Variants in CDC42BPG observed in about 807,000 individuals in gnomAD.
CDC42BPG encodes the protein serine/threonine-protein kinase MRCK gamma.
In CDC42BPG, 157 loss-of-function variants were observed where a neutral mutation model predicts 192.2. The ratio of observed to expected loss-of-function variants is 0.82; its 90% CI spans 0.72 to 0.93. CDC42BPG has a LOEUF of 0.93. Ranked by LOEUF, CDC42BPG falls within the 40% of genes least tolerant of loss-of-function variation. The probability of loss-of-function intolerance (pLI) is 0.00; values close to 1 mark genes in which losing one functional copy is unlikely to be tolerated. For synonymous variants in CDC42BPG, 981 were observed against 918.5 expected, an observed-to-expected ratio of 1.07 and a Z score of -1.23; for missense variants, 1,992 against 2,122.1, an observed-to-expected ratio of 0.94 and a Z score of 1.20.
intron 11 of CDC42BPG, 34 bp downstream of exon 11, chr11:64,836,705 C>CCGGAGGGGG: frequency 2.8e-6 from 1 of 352,544 alleles, no homozygotes; most frequent in South Asian, 3.3e-5. Context: ...GGACTCAGCC[C>CCGGAGGGGG]TGGGGGGGGG....
chr11:64,834,177 C>T (rs1942853596), intron 20 of CDC42BPG, 89 bp downstream of exon 20: 1 of 1,431,350 alleles, frequency 7.0e-7, no homozygotes. Flanking sequence ...CTGTCTCCAC[C>T]ACCCTGCCAG....
Position 64,832,632 on chromosome 11 carries a change from C to T in CDC42BPG, c.2977G>A (p.Gly993Arg), listed in dbSNP as rs2136289038. The T allele has an allele frequency of 6.2e-7, 1 of 1,613,886 alleles. No individual in the cohort carries two copies. Among genetic ancestry groups the T allele is most frequent in the Non-Finnish European group, 8.5e-7 (1 of 1,180,010 alleles). ...APDLRLSPPSGALLQVLDLRD... is the reference protein window; with the variant it reads ...APDLRLSPPSRALLQVLDLRD... ...AGATCTAGGACCTGCAGGAGGGCCC[C>T]ACTGGGCGGGCTGAGCCTCAGGTCA... The change falls in exon 26 of 37, where the codon GGG becomes AGG. Residue 993 changes from glycine to arginine, a missense_variant. Transcript: ENST00000342711.
intron 28 of CDC42BPG, chr11:64,830,511 G>A (rs961863812): frequency 5.2e-6 from 3 of 576,798 alleles, no homozygotes; most frequent in African/African-American, 3.7e-5. Context: ...GTTTCCTTAT[G>A]TAAACTGGGG....
chr11:64,834,110 C>G, intron 20 of CDC42BPG, 133 bp from the exon 21 acceptor site: 2 of 1,428,962 alleles, frequency 1.4e-6, no homozygotes, highest in South Asian at 2.3e-5. Flanking sequence ...ACAGCAGGCA[C>G]TCCAGAAGTG....
intron 3 of CDC42BPG, 21 bp downstream of exon 3, chr11:64,841,628 GC>G: frequency 1.4e-5 from 22 of 1,606,736 alleles, no homozygotes; most frequent in Non-Finnish European, 1.9e-5. Context: ...GTGCCCAAGG[GC>G]CCCCCAGACT....
chr11:64,838,666 G>T lies in CDC42BPG; in HGVS notation c.1113C>A (p.Thr371=). ...DTSNFDVDDD[T]LNHPGTLPPP... is the part of the protein sequence containing the mutation. ...CTTTGCCACTCACTGGATGGTTGAG[G>T]GTGTCGTCATCCACATCAAAGTTGG... is the stretch of plus-strand genomic sequence containing the variant. The change falls in exon 8 of 37, where the codon ACC becomes ACA. Residue 371 remains threonine, a synonymous_variant. Transcript: ENST00000342711. The T allele has an allele frequency of 1.2e-6, 2 of 1,612,892 alleles. No individual in the cohort carries two copies. The highest frequency in any genetic ancestry group is 1.7e-6 in the Non-Finnish European group (2 of 1,179,748).
At chr11:64,830,383 C>A in intron 28 of CDC42BPG, 127 bp from the exon 29 acceptor site, 1 of 807,022 alleles carries the variant, frequency 1.2e-6, no homozygotes, top group Non-Finnish European at 2.1e-6. Context: ...TCCCGCTGTC[C>A]CTGCCTCACT....
Position 64,836,729 on chromosome 11 carries a change from G to GGGGGGGC in CDC42BPG, c.1384+9_1384+10insGCCCCCC. On this transcript the variant is annotated intron_variant, in intron 11 of 36. Transcript: ENST00000342711. ...CCTGGGGGGGGGGGGGGGGTGGGCG[G>GGGGGGGC]AAGGGATACCTGGCAGCCTGTCCCG... 1 of 1,166,956 alleles carries GGGGGGGC rather than the reference G, an allele frequency of 8.6e-7. No individual in the cohort carries two copies. The allele number at this position is 1,166,956 out of a possible 1,614,324, so 72.3% of individuals were successfully genotyped here.
intron 30 of CDC42BPG, 36 bp from the exon 31 acceptor site, chr11:64,827,819 C>T (rs780933041): frequency 1.9e-6 from 3 of 1,547,956 alleles, no homozygotes; most frequent in South Asian, 1.2e-5. Flanking sequence ...GCTGTTTCCC[C>T]CTCTGTTCCA....
At chr11:64,835,213 C>A in intron 16 of CDC42BPG, 60 bp from the exon 17 acceptor site, 3 of 1,602,036 alleles carry the variant, frequency 1.9e-6, no homozygotes, top group Admixed American at 3.3e-5. Flanking sequence ...ACTGCCGTCT[C>A]CCTGTAGGTA....
rs185221998 is a variant in CDC42BPG, at chr11:64,832,907, G to A, written c.2784C>T (p.Pro928=). ...CTGTGCGGAGGAGGTCAGGGGGCAC[G>A]GGGCAGGGTGGGGCCTGTGGGGCAC... The part of the protein sequence containing the change: ...TTCAPQAPPC[P]VPPDLLRTAL... The change falls in exon 25 of 37, where the codon CCC becomes CCT. Residue 928 remains proline (P), a synonymous_variant. Transcript: ENST00000342711. 1.8e-4 allele frequency: 282 copies of A among 1,549,016 alleles called. No individual in the cohort carries two copies. The East Asian group carries it at 5.9e-3, about 32-fold the overall frequency.
At chr11:64,839,432 G>T (rs776909700) in intron 6 of CDC42BPG, 46 bp downstream of exon 6, 1 of 1,556,626 alleles carries the variant, frequency 6.4e-7, no homozygotes, top group Non-Finnish European at 8.7e-7. Flanking sequence ...CTGAGAGCTT[G>T]GCCCGCCTTG....
intron 1 of CDC42BPG, 30 bp downstream of exon 1, chr11:64,844,380 G>GC: frequency 7.3e-7 from 1 of 1,365,556 alleles, no homozygotes; most frequent in South Asian, 1.7e-5. Context: ...CCCTAGGCCC[G>GC]CCCCCGCTCC....
At chr11:64,828,501 G>A (rs1048474093) in intron 30 of CDC42BPG, among the ~76,000 whole-genome samples, 5 of 152,224 alleles carry the variant, frequency 3.3e-5, no homozygotes, top group African/African-American at 1.2e-4. Context: ...GACCAATGAC[G>A]GGGAAGCAGG....
At position 64,835,774 on chromosome 11, in the gene CDC42BPG, C is replaced by T. The variant is rs375810376; in HGVS notation, c.1746G>A (p.Ser582=). The T allele has an allele frequency of 9.3e-6, 15 of 1,613,356 alleles. No homozygotes were observed. In the African/African-American group the frequency reaches 9.3e-5, roughly 10 times the overall value. The part of the protein sequence containing the change: ...QGQWEQRLEE[S]SQAKTIHTAS... ...AGGACTTGACTACCTTGGCCTGGGACGACTCCTCAAGGCGTTGCTCCCACT... is the reference window on the plus strand; with the variant it reads ...AGGACTTGACTACCTTGGCCTGGGATGACTCCTCAAGGCGTTGCTCCCACT... Residue 582 remains serine, a synonymous_variant, in exon 14 of 37, where the codon TCG becomes TCA. Coordinates refer to ENST00000342711, the MANE Select transcript of CDC42BPG (RefSeq NM_017525.3).
intron 27 of CDC42BPG, 112 bp from the exon 28 acceptor site, chr11:64,831,833 G>T (rs1470741442): frequency 2.2e-6 from 2 of 927,042 alleles, no homozygotes; most frequent in Admixed American, 2.3e-5. Flanking sequence ...ACTGTCAGCA[G>T]CAGGGAGTAG....
chr11:64,833,164 C>A, intron 24 of CDC42BPG, 67 bp downstream of exon 24: 1 of 1,347,140 alleles, frequency 7.4e-7, no homozygotes, highest in Non-Finnish European at 1.0e-6. Flanking sequence ...ATGGGAGAAA[C>A]AGCCTGGGTA....
Position 64,844,218 on chromosome 11 carries a change from T to C in CDC42BPG, c.160+192A>G, listed in dbSNP as rs530127152. ...GAGAGGGAGAGAGCGTGTGTGAGAA[T>C]TGGAGTGAGGGTGAGGTGTGCAGGC... On this transcript the variant is annotated intron_variant, in intron 1 of 36. Coordinates refer to ENST00000342711, the MANE Select transcript of CDC42BPG (RefSeq NM_017525.3). Among the ~76,000 whole-genome samples the C allele has an allele frequency of 1.3e-4, 20 of 151,562 alleles. No homozygotes were observed. The South Asian group carries it at 3.8e-3, about 29-fold the overall frequency.
chr11:64,838,633 G>A (rs1943131894), intron 8 of CDC42BPG, 21 bp downstream of exon 8: 17 of 1,609,756 alleles, frequency 1.1e-5, no homozygotes, highest in Non-Finnish European at 1.4e-5. Context: ...CTCCCCTCCT[G>A]CAGTGGCCTT....
Sources: gnomAD v4.1 joint callset for allele counts (sites outside exome capture counted in the v4.1 genomes callset) on GRCh38, gnomAD v4.1.1 for gene constraint, MANE v1.5 for transcripts, NCBI Gene and HGNC (gene_info 2026-07-23, HGNC 2026-07-21) for gene names.